The following STUB1 variants were observed in gnomAD, a reference collection of about 807,000 sequenced individuals.
The protein encoded by STUB1 is STIP1 homology and U-box containing protein 1.
Under a neutral mutation model 40.3 loss-of-function variants are expected in STUB1, and 37 were observed. The observed-to-expected ratio is 0.92, with a 90% CI of 0.71 to 1.21. STUB1 has a LOEUF of 1.21. STUB1 is among the 50% of genes most tolerant of loss of function. STUB1 has a pLI of 0.00. For synonymous variants in STUB1, 246 were observed against 171.9 expected (o/e 1.43, Z -3.37); for missense variants, 460 against 421.9 (o/e 1.09, Z -0.79).
rs565092277 is a variant in STUB1, at chr16:682,580, G to A, written c.*91G>A. ...CATAGTTTATGTTCCTGGCCACCCC[G>A]ACCGCTTCCCCCAAGTTCTGCTGTT... is the stretch of plus-strand genomic sequence containing the variant. On this transcript the variant is annotated 3_prime_UTR_variant, in exon 7 of 7. Coordinates refer to ENST00000219548, the MANE Select transcript of STUB1 (RefSeq NM_005861.4). 11 of 1,557,760 alleles carry A rather than the reference G, an allele frequency of 7.1e-6. No homozygotes were observed. The highest frequency in any genetic ancestry group is 1.8e-5 in the Admixed American group (1 of 56,724).
At chr16:681,749 ATC>A in intron 3 of STUB1, 42 bp from the exon 4 acceptor site, 2 of 1,563,056 alleles carry the variant, frequency 1.3e-6, no homozygotes, top group Non-Finnish European at 1.7e-6. Context: ...GTGGTCAGAC[ATC>A]TGGCCAGGTC....
chr16:682,125 GCC>G (rs1213063524), intron 5 of STUB1, 38 bp from the exon 6 acceptor site: 1 of 1,589,300 alleles, frequency 6.3e-7, no homozygotes, highest in Non-Finnish European at 8.6e-7. Flanking sequence ...CTCGTGCAGT[GCC>G]CCTTTTCAGC....
chr16:682,397 C>T lies in STUB1; in HGVS notation c.820C>T (p.Pro274Ser). Residue 274 changes from proline (P) to serine (S), a missense_variant, in exon 7 of 7, where the codon CCC becomes TCC. Transcript: ENST00000219548. ...TCATTTTGACCCCGTGACCCGGAGC[C>T]CCCTGACCCAGGAACAGCTCATCCC... ...VGHFDPVTRS[P>S]LTQEQLIPNL... The T allele has an allele frequency of 6.2e-7, 1 of 1,613,340 alleles. No individual in the cohort carries two copies. The highest frequency in any genetic ancestry group is 2.2e-5 in the East Asian group (1 of 44,886).
Position 682,612 on chromosome 16 carries a change from T to C in STUB1, c.*123T>C. 1 of 1,475,422 alleles carries C rather than the reference T, an allele frequency of 6.8e-7. No individual in the cohort carries two copies. The highest frequency in any genetic ancestry group is 1.9e-5 in the Admixed American group (1 of 52,182). The allele number at this position is 1,475,422 out of a possible 1,614,324, so 91.4% of individuals were successfully genotyped here. A position where few individuals can be genotyped will look rare whatever the true frequency, so the allele number is the denominator to read the frequency against. On this transcript the variant is annotated 3_prime_UTR_variant, in exon 7 of 7. Transcript: ENST00000219548. ...TCCCCCAAGTTCTGCTGTTGGACTC[T>C]GGACTGTTTCCCCTCTCAGCATCGC... is the stretch of plus-strand genomic sequence containing the variant.
rs1183547899 is a variant in STUB1, at chr16:680,628, C to T, written c.103C>T (p.Arg35Cys). Residue 35 changes from arginine (R) to cysteine (C), a missense_variant, in exon 1 of 7, where the codon CGT becomes TGT. Arg to Cys is a radical substitution (Grantham distance 180). Coordinates refer to ENST00000219548, the MANE Select transcript of STUB1 (RefSeq NM_005861.4). The surrounding 1 kb of genome is among the most constrained non-coding windows in gnomAD (Gnocchi z 4.9). ...SAQELKEQGN[R>C]LFVGRKYPEA... The stretch of plus-strand genomic sequence containing the variant: ...GCAGGAGCTCAAGGAGCAGGGCAAT[C>T]GTCTGTTCGTGGGCCGAAAGTACCC... 4 of 1,383,608 alleles carry T rather than the reference C, an allele frequency of 2.9e-6. No individual in the cohort carries two copies. The highest frequency in any genetic ancestry group is 3.8e-6 in the Non-Finnish European group (4 of 1,057,920). 85.7% of individuals were successfully genotyped at this position (1,383,608 alleles called of 1,614,324 possible).
rs1567284315 is a variant in STUB1 at position 682,747 on chromosome 16, G to A, written c.*258G>A. On this transcript the variant is annotated 3_prime_UTR_variant, in exon 7 of 7. Coordinates refer to ENST00000219548, the MANE Select transcript of STUB1 (RefSeq NM_005861.4). ...TGTGTAATAAAATCCGTGAGCACGA[G>A]GTGGGACGTGCTGGTGTGTGACCGG... is the stretch of plus-strand genomic sequence containing the variant. The A allele has an allele frequency of 1.3e-6, 2 of 1,591,056 alleles. No homozygotes were observed. Among genetic ancestry groups the A allele is most frequent in the East Asian group, 2.2e-5 (1 of 44,686 alleles).
chr16:680,575 G>A lies in STUB1; in HGVS notation c.50G>A (p.Gly17Asp), dbSNP rs2039633553. The A allele has an allele frequency of 3.6e-6, 5 of 1,385,458 alleles. No individual in the cohort carries two copies. The highest frequency in any genetic ancestry group is 2.8e-6 in the Non-Finnish European group (3 of 1,059,634). The allele number at this position is 1,385,458 out of a possible 1,614,324, so 85.8% of individuals were successfully genotyped here. A position where few individuals can be genotyped will look rare whatever the true frequency, so the allele number is the denominator to read the frequency against. Residue 17 changes from glycine to aspartate, a missense_variant, in exon 1 of 7, where the codon GGC (glycine) becomes GAC (aspartate). Gly to Asp is a moderately conservative substitution (Grantham distance 94). Transcript: ENST00000219548. This position sits in a 1 kb window ranked among gnomAD's most constrained non-coding sequence, Gnocchi z 4.9. ...GGCGGCGCACGGCTGGGCGCTGGCG[G>A]CGGAAGCCCCGAGAAGAGCCCGAGC... The part of the protein sequence containing the change: ...KEGGARLGAG[G>D]GSPEKSPSAQ...
chr16:681,999 A>G (rs2039680153), intron 4 of STUB1, 21 bp from the exon 5 acceptor site: 1 of 1,609,974 alleles, frequency 6.2e-7, no homozygotes, highest in Non-Finnish European at 8.5e-7. Context: ...TCCCCCAAGC[A>G]CAGCACTCAA....
intron 6 of STUB1, 22 bp from the exon 7 acceptor site, chr16:682,342 T>G (rs2039701502): frequency 1.2e-6 from 2 of 1,612,930 alleles, no homozygotes. Flanking sequence ...ATGACTGCCC[T>G]CTGCCCTTCT....
rs141948106 is a variant in STUB1, at chr16:681,734, G to C, written c.525-59G>C. ...AAGTGTGGATGTTAGCTCTGAGATT[G>C]GGGTGTGGTCAGACATCTGGCCAGG... is the stretch of plus-strand genomic sequence containing the variant. On this transcript the variant is annotated intron_variant, in intron 3 of 6. Coordinates refer to ENST00000219548, the MANE Select transcript of STUB1 (RefSeq NM_005861.4). 4,043 of 1,553,156 alleles carry C rather than the reference G, an allele frequency of 2.6e-3. 11 individuals are homozygous for C. The highest frequency in any genetic ancestry group is 3.2e-3 in the Admixed American group (177 of 56,008).
In STUB1 at chr16:682,167, G is replaced by A. The variant is rs1165729167; in HGVS notation, c.672G>A (p.Lys224=). The A allele has an allele frequency of 2.5e-6, 4 of 1,604,964 alleles. No homozygotes were observed. The South Asian group carries it at 3.3e-5, about 13-fold the overall frequency. The change falls in exon 6 of 7, where the codon AAG becomes AAA. Residue 224 remains lysine, a splice_region_variant and synonymous_variant. Coordinates refer to ENST00000219548, the MANE Select transcript of STUB1 (RefSeq NM_005861.4). ...GACCGTGTGCCCCTGTGCCACAGAA[G>A]CGAGACATCCCCGACTACCTGTGTG... ...LFSQVDEKRK[K]RDIPDYLCGK...
At position 682,261 on chromosome 16, in the gene STUB1, G is replaced by T. The variant is rs759197630; in HGVS notation, c.766G>T (p.Asp256Tyr). ...TPSGITYDRK[D>Y]IEEHLQRVGH... ...CAGTGGCATCACCTACGACCGCAAGGACATCGAGGAGCACCTGCAGGTGAG... is the reference window on the plus strand; with the variant it reads ...CAGTGGCATCACCTACGACCGCAAGTACATCGAGGAGCACCTGCAGGTGAG... The change falls in exon 6 of 7, where the codon GAC becomes TAC. Residue 256 changes from aspartate (D) to tyrosine (Y), a missense_variant. Coordinates refer to ENST00000219548, the MANE Select transcript of STUB1 (RefSeq NM_005861.4). 2 of 1,608,852 alleles carry T rather than the reference G, an allele frequency of 1.2e-6. No homozygotes were observed. Among genetic ancestry groups the T allele is most frequent in the Non-Finnish European group, 1.7e-6 (2 of 1,179,442 alleles).
At position 681,517 on chromosome 16, in the gene STUB1, C is replaced by T. The variant is rs11861355; in HGVS notation, c.438C>T (p.Arg146=). 5.7e-5 allele frequency: 92 copies of T among 1,612,536 alleles called. 1 individual carries two copies. In the African/African-American group the frequency reaches 1.1e-3, roughly 19 times the overall value. ...CTCTTCGAATCGCGAAGAAGAAGCG[C>T]TGGAACAGCATTGAGGAGCGGCGCA... The part of the protein sequence containing the change: ...PSALRIAKKK[R]WNSIEERRIH... Residue 146 remains arginine, a synonymous_variant, in exon 3 of 7, where the codon CGC becomes CGT. Coordinates refer to ENST00000219548, the MANE Select transcript of STUB1 (RefSeq NM_005861.4).
rs2039671999 is a variant in STUB1 at position 681,873 on chromosome 16, C to T, written c.605C>T (p.Ala202Val). The change falls in exon 4 of 7, where the codon GCC becomes GTC. Residue 202 changes from alanine (A) to valine (V), a missense_variant. Transcript: ENST00000219548. ...HVRAQQACIEAKHDKYMADMD... is the reference protein window; with the variant it reads ...HVRAQQACIEVKHDKYMADMD... ...CGGGCCCAGCAGGCCTGCATTGAGG[C>T]CAAGCACGTGAGGGTGCCCCCCACC... 6.2e-7 allele frequency: 1 copy of T among 1,612,946 alleles called. No individual in the cohort carries two copies. The highest frequency in any genetic ancestry group is 8.5e-7 in the Non-Finnish European group (1 of 1,179,980).
rs768205965 is a variant in STUB1 at position 681,420 on chromosome 16, G to A, written c.359-18G>A. The A allele has an allele frequency of 4.3e-6, 7 of 1,609,590 alleles. No homozygotes were observed. In the East Asian group the frequency reaches 1.3e-4, roughly 31 times the overall value. On this transcript the variant is annotated intron_variant, in intron 2 of 6. Coordinates refer to ENST00000219548, the MANE Select transcript of STUB1 (RefSeq NM_005861.4). The stretch of plus-strand genomic sequence containing the variant: ...GGGTGGACTGGCCAGAGAGTGACGT[G>A]AAGCCCCCGTTCCCCAGCTTACAGC...
At position 682,051 on chromosome 16, in the gene STUB1, T is replaced by C; in HGVS notation, c.644T>C (p.Phe215Ser). ...DKYMADMDEL[F>S]SQVDEKRKKR... Reference sequence around the variant, plus strand: ...TACATGGCGGACATGGACGAGCTTTTTTCTCAGGTGGATGAGAAGAGGAAG... The same window carrying C: ...TACATGGCGGACATGGACGAGCTTTCTTCTCAGGTGGATGAGAAGAGGAAG... The change falls in exon 5 of 7, where the codon TTT becomes TCT. Residue 215 changes from phenylalanine to serine, a missense_variant. Transcript: ENST00000219548. 1 of 1,587,146 alleles carries C rather than the reference T, an allele frequency of 6.3e-7. No individual in the cohort carries two copies. The highest frequency in any genetic ancestry group is 8.6e-7 in the Non-Finnish European group (1 of 1,160,902).
chr16:681,017 G>A, intron 1 of STUB1, 135 bp from the exon 2 acceptor site: 3 of 907,554 alleles, frequency 3.3e-6, no homozygotes, highest in Non-Finnish European at 4.9e-6. Flanking sequence ...CAGATCCTTG[G>A]ACCCAGGGGC....
chr16:680,643 C>A lies in STUB1; in HGVS notation c.118C>A (p.Arg40=). ...KEQGNRLFVG[R]KYPEAAACYG... ...GCAGGGCAATCGTCTGTTCGTGGGCCGAAAGTACCCGGAGGCGGCGGCCTG... is the reference window on the plus strand; with the variant it reads ...GCAGGGCAATCGTCTGTTCGTGGGCAGAAAGTACCCGGAGGCGGCGGCCTG... Residue 40 remains arginine (R), a synonymous_variant, in exon 1 of 7, where the codon CGA becomes AGA. Coordinates refer to ENST00000219548, the MANE Select transcript of STUB1 (RefSeq NM_005861.4). The surrounding 1 kb of genome is among the most constrained non-coding windows in gnomAD (Gnocchi z 4.9). The A allele has an allele frequency of 7.5e-7, 1 of 1,341,040 alleles. No homozygotes were observed. Among genetic ancestry groups the A allele is most frequent in the South Asian group, 2.1e-5 (1 of 48,222 alleles). The allele number at this position is 1,341,040 out of a possible 1,614,324, so 83.1% of individuals were successfully genotyped here.
chr16:681,533 G>T lies in STUB1; in HGVS notation c.454G>T (p.Glu152Ter). Residue 152 changes from glutamate (E) to a stop codon, truncating the protein, a stop_gained, in exon 3 of 7, where the codon GAG (glutamate) becomes TAG (stop). Coordinates refer to ENST00000219548, the MANE Select transcript of STUB1 (RefSeq NM_005861.4). LOFTEE classifies it high-confidence loss of function. The part of the protein sequence containing the change: ...AKKKRWNSIE[E>*]RRIHQESELH... Reference sequence around the variant, plus strand: ...GAAGAAGCGCTGGAACAGCATTGAGGAGCGGCGCATCCACCAGGAGAGCGA... The same window carrying T: ...GAAGAAGCGCTGGAACAGCATTGAGTAGCGGCGCATCCACCAGGAGAGCGA... The T allele has an allele frequency of 1.2e-6, 2 of 1,612,222 alleles. No homozygotes were observed. Among genetic ancestry groups the T allele is most frequent in the Non-Finnish European group, 1.7e-6 (2 of 1,179,912 alleles).
Sources: gnomAD v4.1 joint callset for allele counts on GRCh38, gnomAD v4.1.1 for gene constraint, Gnocchi (gnomAD v3.1) non-coding constraint, MANE v1.5 for transcripts, NCBI Gene and HGNC (gene_info 2026-07-23, HGNC 2026-07-21) for gene names.